H6PD: variants seen among roughly 807,000 people sequenced by gnomAD.
H6PD encodes the protein GDH/6PGL endoplasmic bifunctional protein.
Under a neutral mutation model 61.2 loss-of-function variants are expected in H6PD, and 48 were observed. The observed-to-expected ratio is 0.78, with a 90% CI of 0.62 to 1.00. The LOEUF (loss-of-function observed/expected upper bound fraction) is 1.00, where lower values mean the gene tolerates loss of function less well. Among genes scored for constraint, H6PD ranks in the 50% least tolerant of loss-of-function variants. The pLI is 0.00. For missense variants in H6PD, 1,093 were observed against 1,065.0 expected (o/e 1.03, Z -0.37); for synonymous variants, 480 against 457.9 (o/e 1.05, Z -0.62).
At position 9,258,161 on chromosome 1, in the gene H6PD, G is replaced by A. The variant is rs142035869; in HGVS notation, c.746-3898G>A. Among the ~76,000 whole-genome samples, 21 of 152,374 alleles carry A rather than the reference G, an allele frequency of 1.4e-4. No individual in the cohort carries two copies. In the East Asian group the frequency reaches 4.0e-3, roughly 29 times the overall value. On this transcript the variant is annotated intron_variant, in intron 3 of 4. Transcript: ENST00000377403. Reference sequence around the variant, plus strand: ...CTGCTGTCAGCGTTGGTGTTGTTATGCTGGTGTTGTTACGTTGCTATTGTT... The same window carrying A: ...CTGCTGTCAGCGTTGGTGTTGTTATACTGGTGTTGTTACGTTGCTATTGTT...
chr1:9,237,236 CTTTTTTTT>C (rs370751354), intron 1 of H6PD, among the ~76,000 whole-genome samples: 22 of 71,078 alleles, frequency 3.1e-4, no homozygotes, highest in East Asian at 2.1e-3. Context: ...TTTGACTTCT[CTTTTTTTT>C]TTTTTTTTTT....
At chr1:9,239,885 G>A in intron 1 of H6PD, 3 of 635,406 alleles carry the variant, frequency 4.7e-6, no homozygotes. Context: ...CACAGGCTGG[G>A]TCTGCTGTGC....
chr1:9,239,053 G>GTT (rs34078161), intron 1 of H6PD, among the ~76,000 whole-genome samples: 2 of 146,884 alleles, frequency 1.4e-5, no homozygotes, highest in African/African-American at 2.5e-5. Flanking sequence ...TAATTTAATG[G>GTT]TTTTTTTTTT....
chr1:9,241,785 G>A (rs12405956), intron 1 of H6PD, among the ~76,000 whole-genome samples: 32,517 of 151,964 alleles, frequency 0.21, 3,754 homozygotes, highest in East Asian at 0.43. Flanking sequence ...TCTTCTGCTT[G>A]ACAAAGGAAG....
chr1:9,244,821 G>A (rs1027428599), intron 1 of H6PD, 104 bp from the exon 2 acceptor site: 10 of 1,030,542 alleles, frequency 9.7e-6, no homozygotes, highest in East Asian at 2.4e-5. Context: ...TAAGAAACAC[G>A]TGGTGGTTTC....
chr1:9,240,177 C>G (rs1441797607), intron 1 of H6PD, among the ~76,000 whole-genome samples: 1 of 152,168 alleles, frequency 6.6e-6, no homozygotes, highest in Non-Finnish European at 1.5e-5. Context: ...GATGCCCCCA[C>G]AGCATTTTGT....
Position 9,245,228 on chromosome 1 carries a change from CA to C in H6PD, c.296del (p.Lys99ArgfsTer7). On this transcript the variant is annotated frameshift_variant, in exon 2 of 5. Coordinates refer to ENST00000377403, the MANE Select transcript of H6PD (RefSeq NM_004285.4). LOFTEE classifies it high-confidence loss of function. This position sits in a 1 kb window ranked among gnomAD's most constrained non-coding sequence, Gnocchi z 4.8. ...DMAPSHCAEH[K>X]DQFLQLSQYR... The stretch of plus-strand genomic sequence containing the variant: ...TGGCACCCAGTCACTGTGCAGAGCA[CA>C]AGGATCAGTTCCTGCAGCTGAGCCA... 2.5e-6 allele frequency: 4 copies of C among 1,614,186 alleles called. No individual in the cohort carries two copies. The highest frequency in any genetic ancestry group is 3.4e-6 in the Non-Finnish European group (4 of 1,180,026).
In H6PD at chr1:9,262,175, G is replaced by T. The variant is rs770715626; in HGVS notation, c.862G>T (p.Ala288Ser). ...ELPHNVSSAE[A>S]VLRHKLQVFQ... Reference sequence around the variant, plus strand: ...GCCCCACAATGTCAGCAGTGCGGAGGCTGTGCTGCGGCACAAGCTTCAGGT... The same window carrying T: ...GCCCCACAATGTCAGCAGTGCGGAGTCTGTGCTGCGGCACAAGCTTCAGGT... The change falls in exon 4 of 5, where the codon GCT becomes TCT. Residue 288 changes from alanine to serine, a missense_variant. By Grantham distance (99) the Ala-to-Ser change is moderately conservative. Transcript: ENST00000377403. 4 of 1,614,248 alleles carry T rather than the reference G, an allele frequency of 2.5e-6. No homozygotes were observed. The South Asian group carries it at 4.4e-5, about 18-fold the overall frequency.
rs1196878601 is a variant in H6PD, at chr1:9,265,703, A to C, written c.*834A>C. The C allele has an allele frequency of 6.6e-6, 1 of 152,500 alleles. No homozygotes were observed. Among genetic ancestry groups the C allele is most frequent in the Non-Finnish European group, 1.5e-5 (1 of 68,314 alleles). The allele number at this position is 152,500 out of a possible 1,614,324, so 9.4% of individuals were successfully genotyped here. A position where few individuals can be genotyped will look rare whatever the true frequency, so the allele number is the denominator to read the frequency against. On this transcript the variant is annotated 3_prime_UTR_variant, in exon 5 of 5. Transcript: ENST00000377403. ...GAGATGAGCTCTTGCTATGTTGCCCAGGCTGGTCTCAAACTCCTGGGCTCA... is the reference window on the plus strand; with the variant it reads ...GAGATGAGCTCTTGCTATGTTGCCCCGGCTGGTCTCAAACTCCTGGGCTCA...
At chr1:9,239,385 A>G (rs1408734224) in intron 1 of H6PD, among the ~76,000 whole-genome samples, 1 of 152,200 alleles carries the variant, frequency 6.6e-6, no homozygotes, top group Admixed American at 6.5e-5. Context: ...AGGACCCCAG[A>G]GCCCGATCTG....
Position 9,266,234 on chromosome 1 carries a change from GC to G in H6PD, c.*1367del, listed in dbSNP as rs1356833036. The G allele has an allele frequency of 6.6e-6, 1 of 152,400 alleles. No homozygotes were observed. Among genetic ancestry groups the G allele is most frequent in the Non-Finnish European group, 1.5e-5 (1 of 68,172 alleles). 9.4% of individuals were successfully genotyped at this position (152,400 alleles called of 1,614,324 possible). A position where few individuals can be genotyped will look rare whatever the true frequency, so the allele number is the denominator to read the frequency against. On this transcript the variant is annotated 3_prime_UTR_variant, in exon 5 of 5. Transcript: ENST00000377403. ...AGGGGCTCGCTTGGCGGGTGACGGG[GC>G]CGCAGCCAGGCCTTCTCTCCCTGCC...
In H6PD at chr1:9,265,399, C is replaced by G; in HGVS notation, c.*530C>G. On this transcript the variant is annotated 3_prime_UTR_variant, in exon 5 of 5. Transcript: ENST00000377403. The stretch of plus-strand genomic sequence containing the variant: ...GACTGTCTTGAGACCCTGAGGGGGT[C>G]AAGCCCCTCCTTCCCCAGCTGCCCC... 1 of 188,928 alleles carries G rather than the reference C, an allele frequency of 5.3e-6. No individual in the cohort carries two copies. Among genetic ancestry groups the G allele is most frequent in the Non-Finnish European group, 1.1e-5 (1 of 89,376 alleles). The allele number at this position is 188,928 out of a possible 1,614,324, so 11.7% of individuals were successfully genotyped here.
intron 3 of H6PD, among the ~76,000 whole-genome samples, chr1:9,261,358 G>T (rs1444853988): frequency 6.6e-6 from 1 of 151,920 alleles, no homozygotes; most frequent in East Asian, 1.9e-4. Context: ...CTGCCTCGGG[G>T]CTTTGGCACC....
At position 9,254,184 on chromosome 1, in the gene H6PD, A is replaced by T. The variant is rs906819503; in HGVS notation, c.745+7101A>T. ...CAGCCTGGTCAAATGGTGAAACCCC[A>T]TCTCCACTAAAAATACAAAAATTAT... On this transcript the variant is annotated intron_variant, in intron 3 of 4. Coordinates refer to ENST00000377403, the MANE Select transcript of H6PD (RefSeq NM_004285.4). The surrounding 1 kb of genome is among the most constrained non-coding windows in gnomAD (Gnocchi z 4.6). Among the ~76,000 whole-genome samples the T allele has an allele frequency of 6.6e-6, 1 of 152,104 alleles. No individual in the cohort carries two copies. The highest frequency in any genetic ancestry group is 1.5e-5 in the Non-Finnish European group (1 of 68,004).
chr1:9,244,917 C>T lies in H6PD; in HGVS notation c.-10-8C>T. Reference sequence around the variant, plus strand: ...CTTGTTCCTCGTCTGTCTCTCTTTGCACCCCAGGCACCCAGGCATGTGGAA... The same window carrying T: ...CTTGTTCCTCGTCTGTCTCTCTTTGTACCCCAGGCACCCAGGCATGTGGAA... On this transcript the variant is annotated splice_polypyrimidine_tract_variant and splice_region_variant and intron_variant, in intron 1 of 4. Coordinates refer to ENST00000377403, the MANE Select transcript of H6PD (RefSeq NM_004285.4). The T allele has an allele frequency of 6.2e-7, 1 of 1,609,522 alleles. No individual in the cohort carries two copies.
chr1:9,242,540 G>T (rs1641029406), intron 1 of H6PD: 2 of 984,818 alleles, frequency 2.0e-6, no homozygotes, highest in African/African-American at 3.5e-5. Flanking sequence ...ACTGGTCAGG[G>T]AGGACTGTGG....
chr1:9,256,220 C>T (rs1486124275), intron 3 of H6PD, among the ~76,000 whole-genome samples: 1 of 152,206 alleles, frequency 6.6e-6, no homozygotes, highest in Non-Finnish European at 1.5e-5. Flanking sequence ...AGCACAAGAA[C>T]TTGAAGGCCA....
intron 3 of H6PD, 135 bp from the exon 4 acceptor site, chr1:9,261,923 AT>A: frequency 2.2e-6 from 2 of 909,594 alleles, no homozygotes; most frequent in Non-Finnish European, 3.6e-6. Flanking sequence ...GGTGTGCACC[AT>A]TTTTATAGGC....
chr1:9,268,924 G>A lies in H6PD; in HGVS notation c.*4055G>A, dbSNP rs1638658202. On this transcript the variant is annotated 3_prime_UTR_variant, in exon 5 of 5. Coordinates refer to ENST00000377403, the MANE Select transcript of H6PD (RefSeq NM_004285.4). ...CTATTTCCCAGAATTTGGTTTTCAA[G>A]TACAAAACTTTTTGTCCTGTAAGAT... The A allele has an allele frequency of 6.6e-6, 1 of 152,130 alleles. No homozygotes were observed. Among genetic ancestry groups the A allele is most frequent in the Non-Finnish European group, 1.5e-5 (1 of 68,040 alleles). The allele number at this position is 152,130 out of a possible 1,614,324, so 9.4% of individuals were successfully genotyped here.
Sources: allele counts gnomAD v4.1 joint callset (sites outside exome capture counted in the v4.1 genomes callset), GRCh38; gene constraint gnomAD v4.1.1; non-coding constraint Gnocchi (gnomAD v3.1); transcripts MANE v1.5; gene names NCBI Gene and HGNC (gene_info 2026-07-23, HGNC 2026-07-21).